Variants in LRIG1 observed in about 807,000 individuals in gnomAD.
LRIG1 encodes the protein leucine rich repeats and immunoglobulin like domains 1.
Under a neutral mutation model 99.2 loss-of-function variants are expected in LRIG1, and 48 were observed. The observed-to-expected ratio is 0.48, with a 90% CI of 0.38 to 0.62. The LOEUF (loss-of-function observed/expected upper bound fraction) is 0.62. Among genes scored for constraint, LRIG1 ranks in the 20% least tolerant of loss-of-function variants. The pLI, the probability that LRIG1 is intolerant of heterozygous loss-of-function variation, is 0.00. For synonymous variants in LRIG1, 772 were observed against 596.1 expected, an observed-to-expected ratio of 1.29 and a Z score of -4.30; for missense variants, 1,646 against 1,434.4, an observed-to-expected ratio of 1.15 and a Z score of -2.38.
intron 13 of LRIG1, 90 bp downstream of exon 13, chr3:66,385,891 C>G (rs998988746): frequency 3.4e-5 from 40 of 1,185,902 alleles, no homozygotes; most frequent in Non-Finnish European, 4.9e-5. Context: ...TGTGTCCTGT[C>G]TCAGTCATCT....
chr3:66,426,593 T>C (rs1702987461), intron 3 of LRIG1, among the ~76,000 whole-genome samples: 2 of 152,192 alleles, frequency 1.3e-5, no homozygotes, highest in Non-Finnish European at 2.9e-5. Flanking sequence ...CTAATCACAG[T>C]CTTTTCTGCC....
At chr3:66,434,749 A>G (rs565530819) in intron 3 of LRIG1, among the ~76,000 whole-genome samples, 1,651 of 143,208 alleles carry the variant, frequency 0.012, 20 homozygotes, top group African/African-American at 0.044. Flanking sequence ...TCTGTCTCAA[A>G]AAAATTAAAA....
At chr3:66,472,108 T>C (rs575327173) in intron 1 of LRIG1, among the ~76,000 whole-genome samples, 2 of 152,030 alleles carry the variant, frequency 1.3e-5, no homozygotes, top group African/African-American at 2.4e-5. Context: ...ATCAAGACCA[T>C]CCTGGCTAAC....
intron 10 of LRIG1, among the ~76,000 whole-genome samples, chr3:66,398,695 G>A (rs775833544): frequency 1.3e-5 from 2 of 152,254 alleles, no homozygotes; most frequent in African/African-American, 2.4e-5. Context: ...AGCCAGTGCA[G>A]GGGTTAGGCT....
intron 1 of LRIG1, 34 bp downstream of exon 1, chr3:66,500,156 G>A (rs1701323349): frequency 6.7e-7 from 1 of 1,485,242 alleles, no homozygotes; most frequent in Non-Finnish European, 9.0e-7. Flanking sequence ...ACAGAGCCCC[G>A]GGGCGCAGAG....
intron 3 of LRIG1, among the ~76,000 whole-genome samples, chr3:66,441,158 A>T (rs1703526352): frequency 6.6e-6 from 1 of 152,176 alleles, no homozygotes; most frequent in Admixed American, 6.5e-5. Context: ...AGGGCAGCCC[A>T]TGAGTACCTC....
intron 3 of LRIG1, among the ~76,000 whole-genome samples, 167 bp downstream of exon 3, chr3:66,451,392 A>G (rs776717014): frequency 6.6e-6 from 1 of 152,106 alleles, no homozygotes; most frequent in Non-Finnish European, 1.5e-5. Flanking sequence ...GCAAATCCCA[A>G]AACAGCAAGC....
chr3:66,423,779 C>T (rs915232588), intron 3 of LRIG1, among the ~76,000 whole-genome samples: 11 of 152,158 alleles, frequency 7.2e-5, no homozygotes, highest in African/African-American at 2.7e-4. Context: ...CCAGCTATCC[C>T]ACTCACAGGT....
At chr3:66,478,442 G>A (rs1331932155) in intron 1 of LRIG1, among the ~76,000 whole-genome samples, 1 of 152,210 alleles carries the variant, frequency 6.6e-6, no homozygotes, top group Non-Finnish European at 1.5e-5. Context: ...CTCACAGTTG[G>A]TTTGGAAATA....
chr3:66,435,845 T>C (rs1326048069), intron 3 of LRIG1, among the ~76,000 whole-genome samples: 1 of 151,802 alleles, frequency 6.6e-6, no homozygotes, highest in Non-Finnish European at 1.5e-5. Context: ...AAAACAACAA[T>C]ACAAAAGTGT....
chr3:66,474,830 G>A (rs183238754), intron 1 of LRIG1, among the ~76,000 whole-genome samples: 1 of 152,216 alleles, frequency 6.6e-6, no homozygotes, highest in Non-Finnish European at 1.5e-5. Context: ...ACTGGTACCT[G>A]TGGAATATGA....
At chr3:66,408,555 C>G (rs1553715342) in intron 7 of LRIG1, among the ~76,000 whole-genome samples, 1 of 152,192 alleles carries the variant, frequency 6.6e-6, no homozygotes, top group Non-Finnish European at 1.5e-5. Context: ...CCGGACCCCG[C>G]AGAAGACAGC....
At chr3:66,418,516 C>T (rs746448713) in intron 3 of LRIG1, among the ~76,000 whole-genome samples, 9 of 152,306 alleles carry the variant, frequency 5.9e-5, no homozygotes, top group South Asian at 2.1e-4. Flanking sequence ...GTGGGTTTGG[C>T]GCCGCCTGGC....
chr3:66,423,946 T>C (rs891214208), intron 3 of LRIG1, among the ~76,000 whole-genome samples: 1 of 152,216 alleles, frequency 6.6e-6, no homozygotes, highest in African/African-American at 2.4e-5. Context: ...ATCTAGTCTG[T>C]AGGAGGTGCT....
chr3:66,459,076 C>T (rs989830856), intron 2 of LRIG1, among the ~76,000 whole-genome samples: 4 of 151,704 alleles, frequency 2.6e-5, no homozygotes, highest in Non-Finnish European at 5.9e-5. Context: ...TAAGTGATGT[C>T]GTATTCTCCA....
At position 66,380,063 on chromosome 3, in the gene LRIG1, A is replaced by G. The variant is rs1700942563; in HGVS notation, c.*200T>C. 3.9e-6 allele frequency: 2 copies of G among 508,918 alleles called. No individual in the cohort carries two copies. Among genetic ancestry groups the G allele is most frequent in the African/African-American group, 1.9e-5 (1 of 52,866 alleles). The allele number at this position is 508,918 out of a possible 1,614,324, so 31.5% of individuals were successfully genotyped here. On this transcript the variant is annotated 3_prime_UTR_variant, in exon 19 of 19. Transcript: ENST00000273261. Reference sequence around the variant, plus strand: ...AAACTCTTATGTACAATGATATCAAATACTTTTTTTGCCTTTTGTACACAA... The same window carrying G: ...AAACTCTTATGTACAATGATATCAAGTACTTTTTTTGCCTTTTGTACACAA...
At chr3:66,390,819 A>T (rs1260385055) in intron 12 of LRIG1, among the ~76,000 whole-genome samples, 1 of 152,188 alleles carries the variant, frequency 6.6e-6, no homozygotes, top group Admixed American at 6.5e-5. Flanking sequence ...GAGATATTGA[A>T]CTTCACCAAA....
At chr3:66,477,326 T>C (rs1301408811) in intron 1 of LRIG1, among the ~76,000 whole-genome samples, 2 of 152,214 alleles carry the variant, frequency 1.3e-5, no homozygotes, top group Non-Finnish European at 2.9e-5. Context: ...CCCGGGTCAT[T>C]TGCCCTCTGG....
chr3:66,474,772 T>C (rs1185633760), intron 1 of LRIG1, among the ~76,000 whole-genome samples: 1 of 152,226 alleles, frequency 6.6e-6, no homozygotes, highest in Non-Finnish European at 1.5e-5. Context: ...GGGTGGACCC[T>C]AGCGGCAAAT....
Sources: allele counts gnomAD v4.1 joint callset (sites outside exome capture counted in the v4.1 genomes callset), GRCh38; gene constraint gnomAD v4.1.1; transcripts MANE v1.5; gene names NCBI Gene and HGNC (gene_info 2026-07-23, HGNC 2026-07-21).